The following QTMAN variants were observed in gnomAD, a reference collection of about 807,000 sequenced individuals.
QTMAN encodes the protein queuosine-tRNA mannosyltransferase.
At chr2:144,190,900 C>G in the QTMAN span, among the ~76,000 whole-genome samples, 1 of 152,200 alleles carries the variant, frequency 6.6e-6, no homozygotes, top group African/African-American at 2.4e-5. Context: ...GGCAAGTCAA[C>G]AGCTAGACCC....
At chr2:143,977,492 G>GA in the QTMAN span, among the ~76,000 whole-genome samples, 10 of 152,140 alleles carry the variant, frequency 6.6e-5, no homozygotes, top group African/African-American at 2.4e-4. Context: ...TCCACAGAGT[G>GA]AATGTCTGAG....
At chr2:144,320,935 C>T in the QTMAN span, among the ~76,000 whole-genome samples, 2 of 152,190 alleles carry the variant, frequency 1.3e-5, no homozygotes, top group South Asian at 4.1e-4. Context: ...TGGCCAAAGA[C>T]TTGTTCAACA....
At chr2:144,134,918 T>A in the QTMAN span, among the ~76,000 whole-genome samples, 17 of 151,938 alleles carry the variant, frequency 1.1e-4, no homozygotes, top group Non-Finnish European at 2.4e-4. Flanking sequence ...ATGAAAAAAA[T>A]TTTAACTTTT....
chr2:144,244,392 T>A, the QTMAN span, among the ~76,000 whole-genome samples: 1 of 152,162 alleles, frequency 6.6e-6, no homozygotes, highest in Admixed American at 6.5e-5. Flanking sequence ...TTGGAGACAT[T>A]CACTGTAACA....
At chr2:144,040,186 AG>A in the QTMAN span, among the ~76,000 whole-genome samples, 3 of 152,210 alleles carry the variant, frequency 2.0e-5, no homozygotes, top group Non-Finnish European at 2.9e-5. Context: ...CCCAGTATTT[AG>A]TTTTAATTTT....
the QTMAN span, among the ~76,000 whole-genome samples, chr2:143,975,866 G>A: frequency 6.6e-6 from 1 of 152,214 alleles, no homozygotes; most frequent in Non-Finnish European, 1.5e-5. Context: ...AAGCAACTGA[G>A]ATTTGGGGTG....
chr2:144,034,520 T>A, the QTMAN span, among the ~76,000 whole-genome samples: 1 of 152,078 alleles, frequency 6.6e-6, no homozygotes, highest in Admixed American at 6.6e-5. Flanking sequence ...ATTTAAAAAA[T>A]GAGATTGCAA....
chr2:144,110,688 C>G, the QTMAN span, among the ~76,000 whole-genome samples: 1 of 132,904 alleles, frequency 7.5e-6, no homozygotes, highest in East Asian at 2.5e-4. Context: ...GACCCCCCCC[C>G]AAAAAAAAAA....
the QTMAN span, among the ~76,000 whole-genome samples, chr2:143,991,582 A>G: frequency 1.4e-3 from 128 of 90,996 alleles, no homozygotes; most frequent in South Asian, 2.6e-3. Context: ...CCCCCGCCCG[A>G]CCAGCCGCCT....
At chr2:144,007,232 A>T in the QTMAN span, 82 of 1,611,356 alleles carry the variant, frequency 5.1e-5, no homozygotes, top group Non-Finnish European at 6.7e-5. Flanking sequence ...TATCAACTCC[A>T]CCCAAAATGT....
At chr2:144,216,281 T>C in the QTMAN span, among the ~76,000 whole-genome samples, 40 of 152,202 alleles carry the variant, frequency 2.6e-4, no homozygotes, top group African/African-American at 9.4e-4. Context: ...ATTATACTTG[T>C]TTCACTGTAG....
the QTMAN span, among the ~76,000 whole-genome samples, chr2:144,139,147 G>A: frequency 6.6e-6 from 1 of 151,944 alleles, no homozygotes; most frequent in African/African-American, 2.4e-5. Context: ...GGTCTGGTAA[G>A]GCCAAAGGAT....
the QTMAN span, among the ~76,000 whole-genome samples, chr2:144,302,874 G>C: frequency 1.3e-5 from 2 of 152,288 alleles, no homozygotes; most frequent in East Asian, 3.9e-4. Context: ...GCCGAGGCGG[G>C]GGGGATCACT....
the QTMAN span, among the ~76,000 whole-genome samples, chr2:144,005,535 A>G: frequency 0.034 from 5,187 of 152,154 alleles, 209 homozygotes; most frequent in East Asian, 0.17. Flanking sequence ...CAAGTTTCCA[A>G]TGTTCTACTA....
At chr2:144,278,605 C>CGT in the QTMAN span, among the ~76,000 whole-genome samples, 1 of 150,924 alleles carries the variant, frequency 6.6e-6, no homozygotes, top group Admixed American at 6.6e-5. Flanking sequence ...ATGCACACCT[C>CGT]GTGACTTCTG....
the QTMAN span, among the ~76,000 whole-genome samples, chr2:144,296,035 A>C: frequency 3.9e-4 from 60 of 152,362 alleles, no homozygotes; most frequent in African/African-American, 1.3e-3. Context: ...TGCTGAGGTC[A>C]AACTGTGGTT....
chr2:144,037,685 T>C, the QTMAN span, among the ~76,000 whole-genome samples: 1 of 152,214 alleles, frequency 6.6e-6, no homozygotes, highest in Non-Finnish European at 1.5e-5. Context: ...TATCTCAAAA[T>C]ATAGTAAAGT....
chr2:143,945,805 T>C, the QTMAN span: 1 of 152,242 alleles, frequency 6.6e-6, no homozygotes, highest in Admixed American at 6.5e-5. Context: ...CAACAGACTT[T>C]ACCTTAATGA....
At chr2:144,071,296 TA>T in the QTMAN span, among the ~76,000 whole-genome samples, 3 of 151,898 alleles carry the variant, frequency 2.0e-5, no homozygotes, top group African/African-American at 7.2e-5. Context: ...TCGAGGGGGA[TA>T]GGGGTTGGGG....
Sources: gnomAD v4.1 joint callset for allele counts (sites outside exome capture counted in the v4.1 genomes callset) on GRCh38, gnomAD v4.1.1 for gene constraint, MANE v1.5 for transcripts, NCBI Gene and HGNC (gene_info 2026-07-23, HGNC 2026-07-21) for gene names.